Variants in COG5 observed in about 807,000 individuals in gnomAD.
COG5 encodes component of oligomeric golgi complex 5.
Under a neutral mutation model 110.4 loss-of-function variants are expected in COG5, and 86 were observed. That is an observed-to-expected ratio of 0.78 (90% CI 0.65 to 0.93). The LOEUF is 0.93. Among genes scored for constraint, COG5 ranks in the 40% least tolerant of loss-of-function variants. The pLI is 0.00. For synonymous variants in COG5, 360 were observed against 334.6 expected, an observed-to-expected ratio of 1.08 and a Z score of -0.83; for missense variants, 1,077 against 987.0, an observed-to-expected ratio of 1.09 and a Z score of -1.22.
chr7:107,429,701 C>A (rs76859341), intron 6 of COG5, among the ~76,000 whole-genome samples: 1 of 151,894 alleles, frequency 6.6e-6, no homozygotes, highest in Admixed American at 6.6e-5. Flanking sequence ...GGAGGTAATC[C>A]AATTATGGGG....
At chr7:107,426,051 G>T (rs1324265388) in intron 6 of COG5, among the ~76,000 whole-genome samples, 2 of 152,130 alleles carry the variant, frequency 1.3e-5, no homozygotes, top group African/African-American at 4.8e-5. Flanking sequence ...TAGGCAAGAG[G>T]CATGGAACAG....
At chr7:107,310,260 T>C (rs1482209640) in intron 11 of COG5, among the ~76,000 whole-genome samples, 1 of 152,212 alleles carries the variant, frequency 6.6e-6, no homozygotes, top group Admixed American at 6.5e-5. Flanking sequence ...AGCATATTAA[T>C]ATACCGATCA....
intron 6 of COG5, among the ~76,000 whole-genome samples, chr7:107,507,493 G>C (rs1389788616): frequency 7.3e-6 from 1 of 137,324 alleles, no homozygotes; most frequent in Non-Finnish European, 1.5e-5. Flanking sequence ...TTTTTTAGTA[G>C]ACACAGGGTT....
chr7:107,391,888 G>A (rs902800747), intron 7 of COG5, among the ~76,000 whole-genome samples: 10 of 152,058 alleles, frequency 6.6e-5, no homozygotes, highest in Admixed American at 2.0e-4. Context: ...TCAGGAGTTC[G>A]AGACCACCCT....
intron 21 of COG5, chr7:107,207,790 T>A (rs1226373318): frequency 1.0e-6 from 1 of 985,324 alleles, no homozygotes; most frequent in Non-Finnish European, 1.2e-6. Context: ...TGAACTTGAC[T>A]AGTATTCATT....
chr7:107,285,912 A>T (rs1156578963), intron 12 of COG5, among the ~76,000 whole-genome samples: 1 of 152,144 alleles, frequency 6.6e-6, no homozygotes, highest in Non-Finnish European at 1.5e-5. Flanking sequence ...ACACAGTAAC[A>T]GGAGAGATAT....
At chr7:107,256,678 CAAAT>C in intron 16 of COG5, 50 bp downstream of exon 16, 1 of 1,281,510 alleles carries the variant, frequency 7.8e-7, no homozygotes, top group Non-Finnish European at 1.1e-6. Flanking sequence ...CTCAGCAAAA[CAAAT>C]AATCCTAAAA....
At chr7:107,513,898 T>A (rs929607196) in intron 6 of COG5, among the ~76,000 whole-genome samples, 1 of 127,468 alleles carries the variant, frequency 7.8e-6, no homozygotes, top group African/African-American at 3.4e-5. Flanking sequence ...GGGACTGTTG[T>A]GGGGTGGGGG....
At chr7:107,234,640 C>T (rs1801031978) in intron 18 of COG5, among the ~76,000 whole-genome samples, 1 of 152,046 alleles carries the variant, frequency 6.6e-6, no homozygotes. Context: ...AGGAAAGTGA[C>T]TCAAGAACCA....
intron 11 of COG5, among the ~76,000 whole-genome samples, chr7:107,306,392 T>G (rs1176334487): frequency 6.6e-6 from 1 of 152,130 alleles, no homozygotes; most frequent in African/African-American, 2.4e-5. Flanking sequence ...TAAAGCTAAT[T>G]GTAAATAAAT....
At chr7:107,386,818 T>C (rs1242722793) in intron 7 of COG5, among the ~76,000 whole-genome samples, 1 of 152,088 alleles carries the variant, frequency 6.6e-6, no homozygotes, top group Non-Finnish European at 1.5e-5. Context: ...GGTCCCAGCA[T>C]CATCTTTAAT....
At chr7:107,313,287 C>T (rs1301399895) in intron 11 of COG5, among the ~76,000 whole-genome samples, 1 of 152,140 alleles carries the variant, frequency 6.6e-6, no homozygotes, top group African/African-American at 2.4e-5. Flanking sequence ...ACTGCACCTG[C>T]CCCACACCAA....
intron 16 of COG5, among the ~76,000 whole-genome samples, chr7:107,255,123 T>C (rs1013250010): frequency 6.6e-6 from 1 of 152,118 alleles, no homozygotes; most frequent in African/African-American, 2.4e-5. Flanking sequence ...AAAAAAATGT[T>C]TGATAGTTAC....
At chr7:107,326,228 C>T (rs2129028463) in intron 10 of COG5, among the ~76,000 whole-genome samples, 1 of 152,220 alleles carries the variant, frequency 6.6e-6, no homozygotes, top group Middle Eastern at 3.4e-3. Context: ...AGAAAGCTTT[C>T]CCTCTAAGAT....
At chr7:107,393,880 A>G (rs1012971150) in intron 7 of COG5, among the ~76,000 whole-genome samples, 4 of 152,228 alleles carry the variant, frequency 2.6e-5, no homozygotes, top group Non-Finnish European at 5.9e-5. Context: ...CAACAAATCA[A>G]TCTTCTATGA....
At chr7:107,205,577 C>T (rs1157669256) in intron 21 of COG5, among the ~76,000 whole-genome samples, 1 of 152,182 alleles carries the variant, frequency 6.6e-6, no homozygotes, top group Non-Finnish European at 1.5e-5. Flanking sequence ...TGCCAAAGGG[C>T]CTGTTTATCT....
chr7:107,483,745 A>G (rs1187252283), intron 6 of COG5, among the ~76,000 whole-genome samples: 2 of 152,074 alleles, frequency 1.3e-5, no homozygotes, highest in Non-Finnish European at 2.9e-5. Flanking sequence ...TAACTCAATA[A>G]TTCAGGTGAC....
intron 6 of COG5, among the ~76,000 whole-genome samples, chr7:107,491,970 AAC>A (rs1209457075): frequency 3.9e-5 from 6 of 152,114 alleles, no homozygotes; most frequent in Non-Finnish European, 1.5e-5. Context: ...CAGACACATA[AAC>A]AGATGGACAC....
At chr7:107,272,700 A>C (rs769249829) in intron 14 of COG5, among the ~76,000 whole-genome samples, 1 of 152,170 alleles carries the variant, frequency 6.6e-6, no homozygotes, top group Non-Finnish European at 1.5e-5. Flanking sequence ...TTCCTGCCCT[A>C]AGGTATTGAA....
Sources: allele counts gnomAD v4.1 joint callset (sites outside exome capture counted in the v4.1 genomes callset), GRCh38; gene constraint gnomAD v4.1.1; transcripts MANE v1.5; gene names NCBI Gene and HGNC (gene_info 2026-07-23, HGNC 2026-07-21).